Variants in GPS1 observed in about 807,000 individuals in gnomAD.
GPS1 encodes the protein COP9 signalosome complex subunit 1.
GPS1 carries 11 observed loss-of-function variants against 60.0 expected under a neutral mutation model. The ratio of observed to expected loss-of-function variants is 0.18; its 90% CI spans 0.12 to 0.30. The LOEUF (loss-of-function observed/expected upper bound fraction) is 0.30, where lower values mean the gene tolerates loss of function less well. GPS1 is among the 10% of genes least tolerant of loss of function. The pLI is 1.00. For missense variants in GPS1, 543 were observed against 669.2 expected (o/e 0.81, Z 2.08); for synonymous variants, 343 against 269.8 (o/e 1.27, Z -2.66).
chr17:82,052,219 C>G (rs2030887146), intron 1 of GPS1: 2 of 1,568,672 alleles, frequency 1.3e-6, no homozygotes, highest in Non-Finnish European at 1.7e-6. Flanking sequence ...GGAGAGGTTC[C>G]CGGCCGCCCC....
At position 82,057,132 on chromosome 17, in the gene GPS1, T is replaced by C; in HGVS notation, c.*5T>C. 1 of 1,568,318 alleles carries C rather than the reference T, an allele frequency of 6.4e-7. No individual in the cohort carries two copies. Among genetic ancestry groups the C allele is most frequent in the South Asian group, 1.2e-5 (1 of 83,642 alleles). ...CGGATGAGCACCAACATGTGAGGGG[T>C]GAACCTTGGCCTCCAGGACATCTGC... On this transcript the variant is annotated 3_prime_UTR_variant, in exon 13 of 13. Coordinates refer to ENST00000578552, the MANE Select transcript of GPS1 (RefSeq NM_001321092.3).
chr17:82,052,076 C>A, intron 1 of GPS1, 112 bp downstream of exon 1: 1 of 898,390 alleles, frequency 1.1e-6, no homozygotes, highest in Non-Finnish European at 1.4e-6. Context: ...GTCGGGCACG[C>A]TCCGTGCCGG....
chr17:82,052,272 T>A, intron 1 of GPS1: 1 of 1,610,646 alleles, frequency 6.2e-7, no homozygotes, highest in Non-Finnish European at 8.5e-7. Context: ...GCCAGCTCTG[T>A]GTCAGGGTCG....
At chr17:82,055,432 T>A (rs2032362621) in intron 6 of GPS1, 1 of 634,002 alleles carries the variant, frequency 1.6e-6, no homozygotes, top group East Asian at 2.7e-5. Flanking sequence ...CTGGCTGCTG[T>A]CACTGTGGGC....
At position 82,054,781 on chromosome 17, in the gene GPS1, G is replaced by A. The variant is rs149095451; in HGVS notation, c.580G>A (p.Val194Ile). ...ARDYCTSAKH[V>I]INMCLNVIKV... ...GGACTACTGCACCAGCGCCAAACAC[G>A]TCATCAACATGTGCCTCAATGTCAT... Residue 194 changes from valine to isoleucine, a missense_variant, in exon 4 of 13, where the codon GTC becomes ATC. Physicochemically the swap from Val to Ile is conservative, Grantham distance 29. Coordinates refer to ENST00000578552, the MANE Select transcript of GPS1 (RefSeq NM_001321092.3). The A allele has an allele frequency of 1.4e-4, 220 of 1,606,528 alleles. No individual in the cohort carries two copies. Among genetic ancestry groups the A allele is most frequent in the African/African-American group, 2.3e-4 (17 of 74,936 alleles).
At chr17:82,052,403 A>G (rs768113538) in intron 1 of GPS1, 1 of 1,611,592 alleles carries the variant, frequency 6.2e-7, no homozygotes, top group Non-Finnish European at 8.5e-7. Context: ...CCTGCCCGGC[A>G]CGGCCGGGGA....
rs762742517 is a variant in GPS1, at chr17:82,055,339, A to G, written c.748+117A>G. 5 of 1,081,162 alleles carry G rather than the reference A, an allele frequency of 4.6e-6. No individual in the cohort carries two copies. The Admixed American group carries it at 6.0e-5, about 13-fold the overall frequency. The allele number at this position is 1,081,162 out of a possible 1,614,324, so 67.0% of individuals were successfully genotyped here. ...AGGGAAAACTTCCCTGGCAGGGCGC[A>G]GGATGTTGTGGGCACATGTACAGGT... On this transcript the variant is annotated intron_variant, in intron 6 of 12. Transcript: ENST00000578552.
chr17:82,055,116 A>G, intron 5 of GPS1, 46 bp from the exon 6 acceptor site: 1 of 1,565,228 alleles, frequency 6.4e-7, no homozygotes, highest in Non-Finnish European at 8.7e-7. Context: ...ATCGAGCTCT[A>G]GGAAATGTGG....
At position 82,056,714 on chromosome 17, in the gene GPS1, C is replaced by A; in HGVS notation, c.1202C>A (p.Thr401Lys). Reference protein sequence around the residue: ...TTVAALEDELTQLILEGLISA... With the variant: ...TTVAALEDELKQLILEGLISA... ...GTGGCCGCCCTGGAGGACGAGCTGA[C>A]GCAGCTAATCCTGGAGGGGCTGATC... The change falls in exon 11 of 13, where the codon ACG (threonine) becomes AAG (lysine). Residue 401 changes from threonine (T) to lysine (K), a missense_variant. Around this residue, in one of 3 missense-constraint regions of GPS1, gnomAD observed 291 missense variants for 353.7 expected, o/e 0.82. Coordinates refer to ENST00000578552, the MANE Select transcript of GPS1 (RefSeq NM_001321092.3). 1 of 1,590,416 alleles carries A rather than the reference C, an allele frequency of 6.3e-7. No individual in the cohort carries two copies. Among genetic ancestry groups the A allele is most frequent in the Non-Finnish European group, 8.6e-7 (1 of 1,167,396 alleles).
At position 82,053,356 on chromosome 17, in the gene GPS1, A is replaced by C. The variant is rs1032879272; in HGVS notation, c.116A>C (p.Asn39Thr). ...NAPDVNYVVE[N>T]PSLDLEQYAA... ...CCTGACGTCAACTACGTGGTGGAGA[A>C]CCCCAGCCTGGTACGGAGCCCAGTG... The change falls in exon 2 of 13, where the codon AAC (asparagine) becomes ACC (threonine). Residue 39 changes from asparagine (N) to threonine (T), a missense_variant. Coordinates refer to ENST00000578552, the MANE Select transcript of GPS1 (RefSeq NM_001321092.3). 1.2e-5 allele frequency: 18 copies of C among 1,507,180 alleles called. No homozygotes were observed. Among genetic ancestry groups the C allele is most frequent in the Non-Finnish European group, 1.8e-6 (2 of 1,134,298 alleles). 93.4% of individuals were successfully genotyped at this position (1,507,180 alleles called of 1,614,324 possible).
chr17:82,056,778 C>G lies in GPS1; in HGVS notation c.1254+12C>G, dbSNP rs2032897099. Reference sequence around the variant, plus strand: ...ACTCACACAGCAAGGTGGCTGTGGGCTGCGGGGCGGTGGGGGCAGCTGGGG... The same window carrying G: ...ACTCACACAGCAAGGTGGCTGTGGGGTGCGGGGCGGTGGGGGCAGCTGGGG... On this transcript the variant is annotated intron_variant, in intron 11 of 12. Transcript: ENST00000578552. 6.3e-7 allele frequency: 1 copy of G among 1,599,506 alleles called. No homozygotes were observed. The highest frequency in any genetic ancestry group is 2.2e-5 in the East Asian group (1 of 44,690).
upstream of GPS1, chr17:82,051,511 C>G: frequency 7.2e-7 from 1 of 1,390,010 alleles, no homozygotes; most frequent in Non-Finnish European, 9.4e-7. The surrounding 1 kb of genome is among the most constrained non-coding windows in gnomAD (Gnocchi z 4.1). Flanking sequence ...TGCTGGCGGG[C>G]CCGGGAGATC....
Position 82,057,302 on chromosome 17 carries a change from C to CT in GPS1, c.*177dup, listed in dbSNP as rs1338230321. On this transcript the variant is annotated 3_prime_UTR_variant, in exon 13 of 13. Transcript: ENST00000578552. ...AGGCAGGCGGCTGCTAGTTGTGGCC[C>CT]TTCCTGGAAGGAGAGGCCTGCAGGG... is the stretch of plus-strand genomic sequence containing the variant. 5.8e-6 allele frequency: 5 copies of CT among 863,032 alleles called. No individual in the cohort carries two copies. The Admixed American group carries it at 6.0e-5, about 10-fold the overall frequency. 53.5% of individuals were successfully genotyped at this position (863,032 alleles called of 1,614,324 possible).
chr17:82,054,181 C>G lies in GPS1; in HGVS notation c.308+132C>G, dbSNP rs549366818. 140 of 1,051,724 alleles carry G rather than the reference C, an allele frequency of 1.3e-4. 3 individuals carry two copies. The South Asian group carries it at 2.0e-3, about 15-fold the overall frequency. The allele number at this position is 1,051,724 out of a possible 1,614,324, so 65.1% of individuals were successfully genotyped here. ...AAGTCGGGCGGGTAGAGCTCTCGCT[C>G]TCTTTTGGCCAGCAGTGGAAGTGCC... On this transcript the variant is annotated intron_variant, in intron 3 of 12. Transcript: ENST00000578552.
At position 82,056,011 on chromosome 17, in the gene GPS1, C is replaced by T. The variant is rs745879531; in HGVS notation, c.845C>T (p.Pro282Leu). Residue 282 changes from proline to leucine, a missense_variant, in exon 8 of 13, where the codon CCC becomes CTC. By Grantham distance (98) the Pro-to-Leu change is moderately conservative. Transcript: ENST00000578552. Reference protein sequence around the residue: ...DHCDFPELLSPSNVAIYGGLC... With the variant: ...DHCDFPELLSLSNVAIYGGLC... ...GTCTCTGCTCCTCAGCTGCTGTCCC[C>T]CAGCAACGTGGCCATCTACGGTGGC... 6.2e-7 allele frequency: 1 copy of T among 1,610,682 alleles called. No homozygotes were observed. Among genetic ancestry groups the T allele is most frequent in the Non-Finnish European group, 8.5e-7 (1 of 1,178,010 alleles).
At chr17:82,052,388 C>T (rs773224502) in intron 1 of GPS1, 21 of 1,612,064 alleles carry the variant, frequency 1.3e-5, no homozygotes, top group Non-Finnish European at 1.6e-5. Flanking sequence ...TAGGTCAGAC[C>T]TCGTCCTGCC....
At chr17:82,052,594 C>T (rs942510289) in intron 1 of GPS1, 2 of 1,071,202 alleles carry the variant, frequency 1.9e-6, no homozygotes, top group Admixed American at 2.9e-5. Context: ...GGGAGGGAGC[C>T]CCGGTGGGCC....
chr17:82,055,922 G>A, intron 7 of GPS1, 79 bp from the exon 8 acceptor site: 1 of 1,435,304 alleles, frequency 7.0e-7, no homozygotes, highest in Non-Finnish European at 9.7e-7. Flanking sequence ...GGGGTCTTAG[G>A]CATTCTCCGA....
Position 82,057,285 on chromosome 17 carries a change from G to A in GPS1, c.*158G>A, listed in dbSNP as rs774871104. ...CCTCCCTGGGGCTGAGGAGGCAGGC[G>A]GCTGCTAGTTGTGGCCCTTCCTGGA... is the stretch of plus-strand genomic sequence containing the variant. On this transcript the variant is annotated 3_prime_UTR_variant, in exon 13 of 13. Coordinates refer to ENST00000578552, the MANE Select transcript of GPS1 (RefSeq NM_001321092.3). 1.9e-5 allele frequency: 18 copies of A among 967,298 alleles called. No individual in the cohort carries two copies. The highest frequency in any genetic ancestry group is 1.3e-4 in the African/African-American group (8 of 61,988). 59.9% of individuals were successfully genotyped at this position (967,298 alleles called of 1,614,324 possible). A position where few individuals can be genotyped will look rare whatever the true frequency, so the allele number is the denominator to read the frequency against.
Sources: gnomAD v4.1 joint callset for allele counts on GRCh38, gnomAD v4.1.1 for gene constraint, gnomAD v4.1.1 regional missense constraint, Gnocchi (gnomAD v3.1) non-coding constraint, MANE v1.5 for transcripts, NCBI Gene and HGNC (gene_info 2026-07-23, HGNC 2026-07-21) for gene names.